FRK: variants seen among roughly 807,000 people sequenced by gnomAD.
FRK encodes the protein tyrosine-protein kinase FRK.
In FRK, 51 loss-of-function variants were observed where a neutral mutation model predicts 56.4. The ratio of observed to expected loss-of-function variants is 0.90; its 90% CI spans 0.72 to 1.14. FRK has a LOEUF of 1.14. FRK is among the 50% of genes most tolerant of loss of function. The probability of loss-of-function intolerance (pLI) is 0.00; values close to 1 mark genes in which losing one functional copy is unlikely to be tolerated. For missense variants in FRK, 570 were observed against 601.4 expected, an observed-to-expected ratio of 0.95 and a Z score of 0.55; for synonymous variants, 245 against 217.9, an observed-to-expected ratio of 1.12 and a Z score of -1.10.
intron 2 of FRK, among the ~76,000 whole-genome samples, chr6:115,976,200 T>C (rs1773985516): frequency 6.6e-6 from 1 of 152,150 alleles, no homozygotes; most frequent in South Asian, 2.1e-4. Flanking sequence ...ATTTTCACCT[T>C]GGAGCCTTTG....
In FRK at chr6:115,937,772, G is replaced by T. The variant is rs780221383; in HGVS notation, c.*4642C>A. The stretch of plus-strand genomic sequence containing the variant: ...TAAACAGATCAATGCAACAAGAATA[G>T]CTAACTATCCTAAATATATATACAC... On this transcript the variant is annotated 3_prime_UTR_variant, in exon 8 of 8. Transcript: ENST00000606080. The T allele has an allele frequency of 2.0e-5, 3 of 152,142 alleles. No individual in the cohort carries two copies. The highest frequency in any genetic ancestry group is 2.9e-5 in the Non-Finnish European group (2 of 68,034). The allele number at this position is 152,142 out of a possible 1,614,324, so 9.4% of individuals were successfully genotyped here. A position where few individuals can be genotyped will look rare whatever the true frequency, so the allele number is the denominator to read the frequency against.
At chr6:116,052,507 G>A (rs1308024510) in intron 1 of FRK, among the ~76,000 whole-genome samples, 1 of 152,050 alleles carries the variant, frequency 6.6e-6, no homozygotes, top group East Asian at 1.9e-4. Flanking sequence ...GAGGAGCAAT[G>A]GCTCACCTTT....
chr6:116,063,548 C>T (rs1438556437), upstream of FRK, among the ~76,000 whole-genome samples: 2 of 151,242 alleles, frequency 1.3e-5, no homozygotes, highest in East Asian at 1.9e-4. Context: ...TGGTGGTTAC[C>T]GGAAGCTGGG....
intron 3 of FRK, among the ~76,000 whole-genome samples, chr6:115,968,002 C>T (rs575688): frequency 0.97 from 147,307 of 152,188 alleles, 71,480 homozygotes; most frequent in East Asian, 1. Flanking sequence ...ATGACTTCTC[C>T]CTACCTCTTC....
At chr6:116,036,528 C>G (rs1383688105) in intron 1 of FRK, among the ~76,000 whole-genome samples, 1 of 151,890 alleles carries the variant, frequency 6.6e-6, no homozygotes, top group Non-Finnish European at 1.5e-5. Flanking sequence ...ATTGAATCAC[C>G]CAAGTGTGCT....
chr6:116,090,280 T>C, the FRK span, among the ~76,000 whole-genome samples: 1 of 152,142 alleles, frequency 6.6e-6, no homozygotes, highest in Non-Finnish European at 1.5e-5. Context: ...TGATTTGCAT[T>C]TAGAATTCTG....
intron 1 of FRK, 117 bp downstream of exon 1, chr6:116,059,851 C>G: frequency 1.2e-6 from 1 of 862,934 alleles, no homozygotes; most frequent in Non-Finnish European, 1.8e-6. Flanking sequence ...GCCAGTACTT[C>G]CTCATACTTT....
chr6:115,965,906 C>T lies in FRK; in HGVS notation c.799+1645G>A, dbSNP rs9387377. Among the ~76,000 whole-genome samples, 27 of 78,314 alleles carry T rather than the reference C, an allele frequency of 3.4e-4. No individual in the cohort carries two copies. The Admixed American group carries it at 3.6e-3, about 10-fold the overall frequency. 51.4% of individuals were successfully genotyped at this position (78,314 alleles called of 152,430 possible). On this transcript the variant is annotated intron_variant, in intron 4 of 7. Coordinates refer to ENST00000606080, the MANE Select transcript of FRK (RefSeq NM_002031.3). Reference sequence around the variant, plus strand: ...CACACTCTGGGGACTGTGGTGGGGTCGGGGGAGGGGGGAGGGATAGCATTG... The same window carrying T: ...CACACTCTGGGGACTGTGGTGGGGTTGGGGGAGGGGGGAGGGATAGCATTG...
the FRK span, among the ~76,000 whole-genome samples, chr6:116,096,001 T>C: frequency 6.6e-6 from 1 of 152,236 alleles, no homozygotes; most frequent in East Asian, 1.9e-4. Context: ...CTAGGTCCCA[T>C]GACAGCCATC....
intron 1 of FRK, among the ~76,000 whole-genome samples, chr6:116,029,579 T>A (rs2114758034): frequency 6.6e-6 from 1 of 152,280 alleles, no homozygotes; most frequent in Non-Finnish European, 1.5e-5. Flanking sequence ...GCTTCCTAAA[T>A]CATCAATTTA....
the FRK span, among the ~76,000 whole-genome samples, chr6:116,078,833 C>G: frequency 1.3e-5 from 2 of 152,296 alleles, no homozygotes; most frequent in East Asian, 1.9e-4. Context: ...ACAGAATTAA[C>G]CATCCCTAAA....
intron 4 of FRK, among the ~76,000 whole-genome samples, chr6:115,958,681 A>G (rs1582647932): frequency 2.5e-4 from 1 of 4,052 alleles, no homozygotes; most frequent in African/African-American, 7.6e-4. Context: ...AGAAAGAAAG[A>G]AAGAAAGAAA....
At chr6:115,953,513 C>A (rs776671899) in intron 5 of FRK, among the ~76,000 whole-genome samples, 3 of 152,164 alleles carry the variant, frequency 2.0e-5, no homozygotes, top group African/African-American at 4.8e-5. Flanking sequence ...TGAATGTGAA[C>A]CCTCTTGACT....
At chr6:115,996,562 T>C (rs1774849400) in intron 2 of FRK, among the ~76,000 whole-genome samples, 1 of 152,156 alleles carries the variant, frequency 6.6e-6, no homozygotes, top group Admixed American at 6.5e-5. Context: ...AAAATAAGTC[T>C]GAAACACAGC....
chr6:115,952,371 A>C (rs28875277), intron 5 of FRK, among the ~76,000 whole-genome samples: 1 of 151,674 alleles, frequency 6.6e-6, no homozygotes, highest in East Asian at 1.9e-4. Flanking sequence ...ACCACAATGA[A>C]ATACCATCTC....
intron 1 of FRK, among the ~76,000 whole-genome samples, chr6:116,028,868 C>T (rs949052703): frequency 6.6e-5 from 10 of 152,112 alleles, no homozygotes; most frequent in Non-Finnish European, 1.0e-4. Flanking sequence ...CAGTAATTCA[C>T]TTATCAATAT....
chr6:115,973,569 T>A (rs71568599), intron 2 of FRK, among the ~76,000 whole-genome samples: 15,286 of 151,914 alleles, frequency 0.1, 898 homozygotes, highest in South Asian at 0.15. Flanking sequence ...TTAAAAATTT[T>A]TAAAAAAAGC....
the FRK span, among the ~76,000 whole-genome samples, chr6:116,084,810 GGTGA>G: frequency 2.6e-5 from 4 of 152,156 alleles, no homozygotes; most frequent in Non-Finnish European, 5.9e-5. Flanking sequence ...AATACAAAGA[GGTGA>G]GAGAGGAATA....
At position 116,060,238 on chromosome 6, in the gene FRK, T is replaced by A. The variant is rs773336838; in HGVS notation, c.74A>T (p.Lys25Met). ...CCCTGGATTTTCAATCACGGTTGAC[T>A]TGTCTGCCTCCGTGGACAAACAGGG... Reference protein sequence around the residue: ...YLPCLSTEADKSTVIENPGAL... With the variant: ...YLPCLSTEADMSTVIENPGAL... Residue 25 changes from lysine to methionine, a missense_variant, in exon 1 of 8, where the codon AAG becomes ATG. Transcript: ENST00000606080. 10 of 1,614,154 alleles carry A rather than the reference T, an allele frequency of 6.2e-6. No homozygotes were observed. Among genetic ancestry groups the A allele is most frequent in the Non-Finnish European group, 8.5e-6 (10 of 1,180,024 alleles).
Sources: allele counts gnomAD v4.1 joint callset (sites outside exome capture counted in the v4.1 genomes callset), GRCh38; gene constraint gnomAD v4.1.1; transcripts MANE v1.5; gene names NCBI Gene and HGNC (gene_info 2026-07-23, HGNC 2026-07-21).